Variants in PCDHGB5 observed in about 807,000 individuals in gnomAD.
PCDHGB5 encodes the protein protocadherin gamma subfamily B, 5, also known as protocadherin gamma-B5.
A neutral mutation model predicts 62.9 loss-of-function variants in PCDHGB5; 48 were observed. The ratio of observed to expected loss-of-function variants is 0.76; its 90% confidence interval spans 0.61 to 0.97. The LOEUF is 0.97. PCDHGB5 is among the 50% of genes least tolerant of loss of function. PCDHGB5 has a pLI of 0.00. For synonymous variants in PCDHGB5, 474 were observed against 511.2 expected (o/e 0.93, Z 0.98); for missense variants, 1,118 against 1,198.6 (o/e 0.93, Z 0.99).
intron 1 of PCDHGB5, among the ~76,000 whole-genome samples, chr5:141,459,461 G>A (rs1217201752): frequency 6.6e-6 from 1 of 152,214 alleles, no homozygotes; most frequent in Non-Finnish European, 1.5e-5. Flanking sequence ...GGACATTTGA[G>A]TTGTGTCCAG....
intron 1 of PCDHGB5, chr5:141,409,346 G>A (rs573212606): frequency 4.3e-6 from 7 of 1,613,998 alleles, no homozygotes; most frequent in South Asian, 2.2e-5. Context: ...AAATGGAGAA[G>A]TCAGGTGTAA....
Position 141,433,012 on chromosome 5 carries a change from G to C in PCDHGB5, c.2397+32488G>C. 1 of 1,614,172 alleles carries C rather than the reference G, an allele frequency of 6.2e-7. No homozygotes were observed. Among genetic ancestry groups the C allele is most frequent in the South Asian group, 1.1e-5 (1 of 91,080 alleles). The stretch of plus-strand genomic sequence containing the variant: ...TGGACGGGGTGCAGGCTTTCCTGCA[G>C]ACCTATTCCCACGAGGTTTCCCTCA... On this transcript the variant is annotated intron_variant, in intron 1 of 3. Coordinates refer to ENST00000617380, the MANE Select transcript of PCDHGB5 (RefSeq NM_018925.3).
At chr5:141,465,466 C>T (rs1280373152) in intron 1 of PCDHGB5, among the ~76,000 whole-genome samples, 1 of 152,156 alleles carries the variant, frequency 6.6e-6, no homozygotes, top group African/African-American at 2.4e-5. Flanking sequence ...ACCAAATTGC[C>T]CTTGCTTCAT....
At chr5:141,420,824 C>T (rs1282369085) in intron 1 of PCDHGB5, among the ~76,000 whole-genome samples, 1 of 152,216 alleles carries the variant, frequency 6.6e-6, no homozygotes, top group Admixed American at 6.5e-5. Context: ...TTAATAATTA[C>T]TCCTTTCGCA....
intron 1 of PCDHGB5, among the ~76,000 whole-genome samples, chr5:141,453,974 T>C (rs1386640440): frequency 6.6e-6 from 1 of 152,242 alleles, no homozygotes; most frequent in Non-Finnish European, 1.5e-5. Flanking sequence ...CATGTAGTTG[T>C]GTTGCCTTCC....
intron 1 of PCDHGB5, among the ~76,000 whole-genome samples, chr5:141,454,829 A>T (rs2098803417): frequency 1.4e-5 from 1 of 70,192 alleles, no homozygotes. Context: ...TTTTTTTGAG[A>T]CAGAGTCGCG....
At chr5:141,416,132 A>C in intron 1 of PCDHGB5, 1 of 154,082 alleles carries the variant, frequency 6.5e-6, no homozygotes, top group Non-Finnish European at 1.4e-5. Context: ...ATATTTTTCA[A>C]TCTATACTTT....
intron 1 of PCDHGB5, chr5:141,426,943 C>T: frequency 2.2e-6 from 1 of 456,736 alleles, no homozygotes; most frequent in Non-Finnish European, 4.4e-6. Flanking sequence ...GACCCAGTCC[C>T]AACTGGCACT....
At chr5:141,437,895 A>G (rs911855268) in intron 1 of PCDHGB5, among the ~76,000 whole-genome samples, 23 of 151,954 alleles carry the variant, frequency 1.5e-4, no homozygotes, top group African/African-American at 4.8e-4. Flanking sequence ...ACGCCACCAC[A>G]CCCAGCTAAT....
chr5:141,427,652 G>T, intron 1 of PCDHGB5: 1 of 721,166 alleles, frequency 1.4e-6, no homozygotes, highest in Non-Finnish European at 2.5e-6. Flanking sequence ...TCTCCTACGT[G>T]GTCCACGTGG....
At chr5:141,427,869 A>G in intron 1 of PCDHGB5, 3 of 1,559,604 alleles carry the variant, frequency 1.9e-6, no homozygotes, top group Non-Finnish European at 2.6e-6. Flanking sequence ...CTTCGAGCTC[A>G]CGATGCAGGC....
At chr5:141,497,839 A>G (rs1399696596) in intron 2 of PCDHGB5, among the ~76,000 whole-genome samples, 1 of 152,044 alleles carries the variant, frequency 6.6e-6, no homozygotes, top group East Asian at 1.9e-4. Flanking sequence ...CCCGGCCACA[A>G]CAAACATTTT....
chr5:141,460,556 T>C (rs762545295), intron 1 of PCDHGB5, among the ~76,000 whole-genome samples: 10 of 152,152 alleles, frequency 6.6e-5, no homozygotes, highest in Admixed American at 3.3e-4. Context: ...CAAAAATCAT[T>C]TGGCCATGGA....
At chr5:141,441,298 T>C (rs1289976355) in intron 1 of PCDHGB5, 1 of 152,150 alleles carries the variant, frequency 6.6e-6, no homozygotes, top group Non-Finnish European at 1.5e-5. Flanking sequence ...ATGTCTGATA[T>C]AAGAAAATGC....
At chr5:141,467,114 G>A (rs971182917) in intron 1 of PCDHGB5, among the ~76,000 whole-genome samples, 5 of 149,522 alleles carry the variant, frequency 3.3e-5, no homozygotes, top group South Asian at 2.1e-4. Context: ...GTACAATGGT[G>A]CAATCTCAGC....
chr5:141,432,949 C>A lies in PCDHGB5; in HGVS notation c.2397+32425C>A, dbSNP rs764998032. ...CACGCCTGCTGCAGGCTTCAGGAGG[C>A]GGCTTGACAGGAGCGCCGGCGTCGC... On this transcript the variant is annotated intron_variant, in intron 1 of 3. Transcript: ENST00000617380. This position sits in a 1 kb window ranked among gnomAD's most constrained non-coding sequence, Gnocchi z 6.0. The A allele has an allele frequency of 1.9e-6, 3 of 1,614,184 alleles. No homozygotes were observed. The highest frequency in any genetic ancestry group is 2.5e-6 in the Non-Finnish European group (3 of 1,180,040).
intron 2 of PCDHGB5, among the ~76,000 whole-genome samples, chr5:141,502,408 G>A (rs1197275813): frequency 6.6e-6 from 1 of 151,782 alleles, no homozygotes; most frequent in Non-Finnish European, 1.5e-5. Context: ...CCCGAACCTG[G>A]ATTTGCTGGC....
At position 141,399,146 on chromosome 5, in the gene PCDHGB5, G is replaced by T. The variant is rs758823968; in HGVS notation, c.1019G>T (p.Ser340Ile). 6.2e-7 allele frequency: 1 copy of T among 1,613,792 alleles called. No homozygotes were observed. The highest frequency in any genetic ancestry group is 2.2e-5 in the East Asian group (1 of 44,892). ...AATATTCAAGATGAAAATGACAATAGCCCAGAAGTTACATTCCATTCTCTA... is the reference window on the plus strand; with the variant it reads ...AATATTCAAGATGAAAATGACAATATCCCAGAAGTTACATTCCATTCTCTA... ...EINIQDENDNSPEVTFHSLLE... is the reference protein window; with the variant it reads ...EINIQDENDNIPEVTFHSLLE... Residue 340 changes from serine to isoleucine, a missense_variant, in exon 1 of 4, where the codon AGC becomes ATC. Coordinates refer to ENST00000617380, the MANE Select transcript of PCDHGB5 (RefSeq NM_018925.3).
rs2099883887 is a variant in PCDHGB5, at chr5:141,511,641, ACC to A, written c.*469_*470del. 4.4e-6 allele frequency: 1 copy of A among 224,930 alleles called. No homozygotes were observed. Among genetic ancestry groups the A allele is most frequent in the Non-Finnish European group, 9.1e-6 (1 of 110,428 alleles). 13.9% of individuals were successfully genotyped at this position (224,930 alleles called of 1,614,324 possible). A position where few individuals can be genotyped will look rare whatever the true frequency, so the allele number is the denominator to read the frequency against. ...TCTGAAAAGTTGGAAGGGCATCATG[ACC>A]TCTTGGCCTCTCCTTTGATTCTCAA... On this transcript the variant is annotated 3_prime_UTR_variant, in exon 4 of 4. Coordinates refer to ENST00000617380, the MANE Select transcript of PCDHGB5 (RefSeq NM_018925.3).
Sources: gnomAD v4.1 joint callset for allele counts (sites outside exome capture counted in the v4.1 genomes callset) on GRCh38, gnomAD v4.1.1 for gene constraint, Gnocchi (gnomAD v3.1) non-coding constraint, MANE v1.5 for transcripts, NCBI Gene and HGNC (gene_info 2026-07-23, HGNC 2026-07-21) for gene names.